Variants in OR6P1 observed in about 807,000 individuals in gnomAD.
OR6P1 encodes olfactory receptor family 6 subfamily P member 1, also known as olfactory receptor 6P1.
In OR6P1, 5 loss-of-function variants were observed where a neutral mutation model predicts 6.6. The ratio of observed to expected loss-of-function variants is 0.76; its 90% CI spans 0.40 to 1.60. The LOEUF (loss-of-function observed/expected upper bound fraction) is 1.60, where lower values mean the gene tolerates loss of function less well. OR6P1 is among the 40% of genes most tolerant of loss of function. The pLI is 0.02. For synonymous variants in OR6P1, 177 were observed against 149.6 expected (o/e 1.18, Z -1.33); for missense variants, 451 against 383.0 (o/e 1.18, Z -1.48).
chr1:158,564,216 T>C (rs1648041568), intron 2 of OR6P1, among the ~76,000 whole-genome samples: 1 of 152,226 alleles, frequency 6.6e-6, no homozygotes, highest in South Asian at 2.1e-4. Flanking sequence ...TTCCGTTCAC[T>C]TTACATATAT....
At chr1:158,568,871 A>G (rs992200164) in intron 1 of OR6P1, among the ~76,000 whole-genome samples, 2 of 152,184 alleles carry the variant, frequency 1.3e-5, no homozygotes, top group Non-Finnish European at 2.9e-5. Flanking sequence ...GTAGCTATGT[A>G]CCTTCCTGGA....
Position 158,562,967 on chromosome 1 carries a change from G to A in OR6P1, c.638C>T (p.Ala213Val), listed in dbSNP as rs1571337368. The part of the protein sequence containing the change: ...ALVMILLPLL[A>V]VVSSYTAIIA... ...GATGGCAGTGTATGATGAAACCACA[G>A]CCAATAGAGGGAGTAGAATCATCAC... Residue 213 changes from alanine to valine, a missense_variant, in exon 3 of 3, where the codon GCT becomes GTT. Physicochemically the swap from Ala to Val is moderately conservative, Grantham distance 64. Transcript: ENST00000641540. The A allele has an allele frequency of 1.9e-6, 3 of 1,551,736 alleles. No homozygotes were observed. In the South Asian group the frequency reaches 3.6e-5, roughly 18 times the overall value.
intron 2 of OR6P1, 29 bp from the exon 3 acceptor site, chr1:158,563,655 G>A: frequency 8.2e-7 from 1 of 1,224,660 alleles, no homozygotes; most frequent in Non-Finnish European, 1.1e-6. Context: ...AGAACAAGAG[G>A]TTTGAAAGAT....
intron 1 of OR6P1, among the ~76,000 whole-genome samples, chr1:158,569,450 G>A (rs574707774): frequency 6.6e-6 from 1 of 152,184 alleles, no homozygotes; most frequent in African/African-American, 2.4e-5. Flanking sequence ...CCCACTCCCA[G>A]AGAAAACTAC....
At position 158,563,164 on chromosome 1, in the gene OR6P1, G is replaced by C. The variant is rs1386931510; in HGVS notation, c.441C>G (p.Ala147=). The C allele has an allele frequency of 7.7e-6, 12 of 1,551,476 alleles. No homozygotes were observed. The Admixed American group carries it at 2.2e-4, about 28-fold the overall frequency. The change falls in exon 3 of 3, where the codon GCC becomes GCG. Residue 147 remains alanine, a synonymous_variant. Coordinates refer to ENST00000641540, the MANE Select transcript of OR6P1 (RefSeq NM_001160325.2). ...PSSLATRLAA[A]SWGSGFFSSM... is the part of the protein sequence containing the mutation. ...AGCTGAAGAAGCCACTGCCCCAAGA[G>C]GCAGCAGCAAGGCGAGTGGCCAGAC... is the stretch of plus-strand genomic sequence containing the variant.
rs1647999290 is a variant in OR6P1 at position 158,563,097 on chromosome 1, C to T, written c.508G>A (p.Gly170Arg). The T allele has an allele frequency of 6.4e-7, 1 of 1,551,628 alleles. No homozygotes were observed. Among genetic ancestry groups the T allele is most frequent in the Non-Finnish European group, 8.7e-7 (1 of 1,147,032 alleles). Residue 170 changes from glycine (G) to arginine (R), a missense_variant, in exon 3 of 3, where the codon GGA becomes AGA. Physicochemically the swap from Gly to Arg is moderately radical, Grantham distance 125 (BLOSUM62 -2). Coordinates refer to ENST00000641540, the MANE Select transcript of OR6P1 (RefSeq NM_001160325.2). ...AAAAAGTGGTTGATAATGTTGGGTC[C>T]ACAGTAGGACAATTGGGAAATAAAA... ...LLFISQLSYC[G>R]PNIINHFFCD...
rs1418099653 is a variant in OR6P1, at chr1:158,562,859, A to G, written c.746T>C (p.Val249Ala). Residue 249 changes from valine to alanine, a missense_variant, in exon 3 of 3, where the codon GTT becomes GCT. Val to Ala is a moderately conservative substitution (Grantham distance 64, BLOSUM62 0). Transcript: ENST00000641540. Reference protein sequence around the residue: ...STCAAHLAVVVIYYSSTLFTY... With the variant: ...STCAAHLAVVAIYYSSTLFTY... ...GAAGAGAGTGGAGGAGTAGTAGATA[A>G]CAACCACTGCCAGATGAGCGGCACA... 1 of 1,552,062 alleles carries G rather than the reference A, an allele frequency of 6.4e-7. No individual in the cohort carries two copies. The highest frequency in any genetic ancestry group is 1.2e-5 in the South Asian group (1 of 84,064).
In OR6P1 at chr1:158,562,699, C is replaced by T; in HGVS notation, c.906G>A (p.Arg302=). Residue 302 remains arginine, a synonymous_variant, in exon 3 of 3, where the codon AGG becomes AGA. Coordinates refer to ENST00000641540, the MANE Select transcript of OR6P1 (RefSeq NM_001160325.2). The part of the protein sequence containing the change: ...LRNKEVKEAF[R]KTVMGRCHYP... The stretch of plus-strand genomic sequence containing the variant: ...AGTGACATCTGCCCATCACTGTCTT[C>T]CTGAAGGCCTCCTTCACCTCCTTGT... 1.9e-6 allele frequency: 3 copies of T among 1,559,940 alleles called. No homozygotes were observed. In the South Asian group the frequency reaches 3.6e-5, roughly 18 times the overall value.
chr1:158,564,869 T>C (rs1369739417), intron 2 of OR6P1, among the ~76,000 whole-genome samples: 1 of 152,232 alleles, frequency 6.6e-6, no homozygotes, highest in African/African-American at 2.4e-5. Flanking sequence ...AGTCTTCTTT[T>C]AACATTGTCA....
intron 1 of OR6P1, 71 bp downstream of exon 1, chr1:158,570,371 T>G (rs1437073187): frequency 6.6e-6 from 1 of 152,192 alleles, no homozygotes; most frequent in African/African-American, 2.4e-5. Flanking sequence ...CTCAAGAAAT[T>G]CAAGCAATTT....
intron 2 of OR6P1, among the ~76,000 whole-genome samples, chr1:158,565,991 G>T (rs1648087842): frequency 1.3e-5 from 2 of 152,242 alleles, no homozygotes; most frequent in South Asian, 4.1e-4. Flanking sequence ...GAAAGAAATA[G>T]ATTGCAAACC....
chr1:158,567,632 T>C (rs1480719125), intron 1 of OR6P1, among the ~76,000 whole-genome samples: 1 of 104,298 alleles, frequency 9.6e-6, no homozygotes, highest in Admixed American at 1.2e-4. Context: ...CATCACACTC[T>C]GGGGACTGTT....
chr1:158,564,780 C>A (rs1251270227), intron 2 of OR6P1, among the ~76,000 whole-genome samples: 2 of 152,162 alleles, frequency 1.3e-5, no homozygotes, highest in African/African-American at 4.8e-5. Flanking sequence ...TTACAGTAGC[C>A]ATGGGAAACT....
Position 158,562,915 on chromosome 1 carries a change from C to T in OR6P1, c.690G>A (p.Thr230=), listed in dbSNP as rs531306117. The T allele has an allele frequency of 1.6e-4, 252 of 1,551,836 alleles. 5 individuals carry two copies. Among genetic ancestry groups the T allele is most frequent in the Admixed American group, 5.5e-4 (28 of 50,996 alleles). The change falls in exon 3 of 3, where the codon ACG becomes ACA. Residue 230 remains threonine, a synonymous_variant. Transcript: ENST00000641540. ...AIIAAILRIP[T]SRGRHKAFST... ...AAAAGGCTTTGTGGCGTCCCCTGGA[C>T]GTAGGGATCCTCAGGATGGCTGCAA... is the stretch of plus-strand genomic sequence containing the variant.
At chr1:158,564,386 G>A (rs1018823096) in intron 2 of OR6P1, among the ~76,000 whole-genome samples, 1 of 151,906 alleles carries the variant, frequency 6.6e-6, no homozygotes, top group African/African-American at 2.4e-5. Context: ...TTAAATTAAG[G>A]ACTTTGAGAT....
chr1:158,565,879 T>C (rs1054547003), intron 2 of OR6P1, among the ~76,000 whole-genome samples: 3 of 152,210 alleles, frequency 2.0e-5, no homozygotes, highest in Non-Finnish European at 2.9e-5. Flanking sequence ...ATTTAAACTT[T>C]TTATTAGTTG....
chr1:158,562,932 T>A lies in OR6P1; in HGVS notation c.673A>T (p.Ile225Phe). The change falls in exon 3 of 3, where the codon ATC becomes TTC. Residue 225 changes from isoleucine to phenylalanine, a missense_variant. Physicochemically the swap from Ile to Phe is conservative, Grantham distance 21. Coordinates refer to ENST00000641540, the MANE Select transcript of OR6P1 (RefSeq NM_001160325.2). ...CCCCTGGACGTAGGGATCCTCAGGATGGCTGCAATGATGGCAGTGTATGAT... is the reference window on the plus strand; with the variant it reads ...CCCCTGGACGTAGGGATCCTCAGGAAGGCTGCAATGATGGCAGTGTATGAT... Reference protein sequence around the residue: ...VSSYTAIIAAILRIPTSRGRH... With the variant: ...VSSYTAIIAAFLRIPTSRGRH... The A allele has an allele frequency of 3.9e-6, 6 of 1,551,790 alleles. No individual in the cohort carries two copies. The highest frequency in any genetic ancestry group is 5.2e-6 in the Non-Finnish European group (6 of 1,147,008).
At position 158,566,766 on chromosome 1, in the gene OR6P1, G is replaced by A. The variant is rs1335080531; in HGVS notation, c.-25C>T. ...AAATTGGTGAAATTCCAACCTACCA[G>A]GGTCAGTCCTGAGGGATGTGGGAAA... On this transcript the variant is annotated splice_region_variant and 5_prime_UTR_variant, in exon 2 of 3. Transcript: ENST00000641540. 1 of 152,120 alleles carries A rather than the reference G, an allele frequency of 6.6e-6. No individual in the cohort carries two copies. Among genetic ancestry groups the A allele is most frequent in the Non-Finnish European group, 1.5e-5 (1 of 68,014 alleles). 9.4% of individuals were successfully genotyped at this position (152,120 alleles called of 1,614,324 possible).
intron 1 of OR6P1, among the ~76,000 whole-genome samples, chr1:158,567,209 G>A (rs1486901094): frequency 6.6e-6 from 1 of 151,932 alleles, no homozygotes; most frequent in Non-Finnish European, 1.5e-5. Flanking sequence ...CTGTAAACTA[G>A]TTCAACCATT....
Sources: allele counts gnomAD v4.1 joint callset (sites outside exome capture counted in the v4.1 genomes callset), GRCh38; gene constraint gnomAD v4.1.1; transcripts MANE v1.5; gene names NCBI Gene and HGNC (gene_info 2026-07-23, HGNC 2026-07-21).